The following XKR5 variants were observed in gnomAD, a reference collection of about 807,000 sequenced individuals.
XKR5 encodes the protein XK related 5.
XKR5 carries 46 observed loss-of-function variants against 40.8 expected under a neutral mutation model. The observed-to-expected ratio is 1.13, with a 90% confidence interval of 0.89 to 1.44. The LOEUF (loss-of-function observed/expected upper bound fraction) is 1.44. Ranked by LOEUF, XKR5 falls within the 40% of genes most tolerant of loss-of-function variation. XKR5 has a pLI of 0.00. For missense variants in XKR5, 1,169 were observed against 844.7 expected, an observed-to-expected ratio of 1.38 and a Z score of -4.76; for synonymous variants, 466 against 356.1, an observed-to-expected ratio of 1.31 and a Z score of -3.48.
Position 6,811,340 on chromosome 8 carries a change from G to C in XKR5, c.1919C>G (p.Ala640Gly), listed in dbSNP as rs903140063. 6 of 1,537,258 alleles carry C rather than the reference G, an allele frequency of 3.9e-6. No individual in the cohort carries two copies. The highest frequency in any genetic ancestry group is 2.4e-5 in the South Asian group (2 of 84,072). The change falls in exon 7 of 7, where the codon GCA becomes GGA. Residue 640 changes from alanine to glycine, a missense_variant. Ala to Gly is a moderately conservative substitution (Grantham distance 60). Coordinates refer to ENST00000618742, the MANE Select transcript of XKR5 (RefSeq NM_207411.5). ...CAATGACACCCACACACCAACAGCT[G>C]CATGGTGACTTAGCTCCCTTTTGGG... Reference protein sequence around the residue: ...LEPKRELSHHAAVGVWVSLPQ... With the variant: ...LEPKRELSHHGAVGVWVSLPQ...
At chr8:6,834,877 C>T (rs1470734149) in intron 1 of XKR5, among the ~76,000 whole-genome samples, 2 of 152,178 alleles carry the variant, frequency 1.3e-5, no homozygotes, top group African/African-American at 4.8e-5. Context: ...CGTCCCGCCC[C>T]GTCCTAAACC....
chr8:6,819,421 T>C (rs1458373988), intron 5 of XKR5, among the ~76,000 whole-genome samples: 1 of 152,222 alleles, frequency 6.6e-6, no homozygotes, highest in Non-Finnish European at 1.5e-5. Context: ...AAGATCACAG[T>C]CTGGGCATTT....
At chr8:6,833,503 G>T (rs1017917834) in intron 1 of XKR5, among the ~76,000 whole-genome samples, 1 of 152,182 alleles carries the variant, frequency 6.6e-6, no homozygotes, top group Non-Finnish European at 1.5e-5. Context: ...GGCCGAGGTG[G>T]GCAGATTGCT....
rs1473896170 is a variant in XKR5 at position 6,832,850 on chromosome 8, AC to A, written c.108del (p.Trp37GlyfsTer16). 2 of 1,610,180 alleles carry A rather than the reference AC, an allele frequency of 1.2e-6. No individual in the cohort carries two copies. The highest frequency in any genetic ancestry group is 1.7e-6 in the Non-Finnish European group (2 of 1,178,574). ...GGCAGGAGGACAGCAAGGGCCAGCCACCCCCACAGAAGCCGTCCTGTGGTGA... is the reference window on the plus strand; with the variant it reads ...GGCAGGAGGACAGCAAGGGCCAGCCACCCCACAGAAGCCGTCCTGTGGTGA... ...YYFTTGRLLW[G>X]WLALAVLLPG... On this transcript the variant is annotated frameshift_variant, in exon 2 of 7. Transcript: ENST00000618742. LOFTEE classifies it high-confidence loss of function.
At chr8:6,826,256 ATG>A (rs1438793367) in intron 2 of XKR5, among the ~76,000 whole-genome samples, 2 of 152,122 alleles carry the variant, frequency 1.3e-5, no homozygotes, top group Admixed American at 6.5e-5. Context: ...ATGTTTATAT[ATG>A]TGTGTGCATG....
chr8:6,826,698 T>C (rs930662783), intron 2 of XKR5, among the ~76,000 whole-genome samples: 2 of 152,068 alleles, frequency 1.3e-5, no homozygotes, highest in Non-Finnish European at 2.9e-5. Context: ...CAGTTGTGGT[T>C]GAGGGACTGG....
Position 6,823,709 on chromosome 8 carries a change from C to T in XKR5, c.449G>A (p.Trp150Ter), listed in dbSNP as rs760701667. Reference sequence around the variant, plus strand: ...CACCAGTGCCCAGGAGAGTGAGGACCAGGAAAACAGGGTGCTCACCCCTGA... The same window carrying T: ...CACCAGTGCCCAGGAGAGTGAGGACTAGGAAAACAGGGTGCTCACCCCTGA... The part of the protein sequence containing the change: ...IVPGVSTLFS[W>*]SSLSWALVSY... The change falls in exon 4 of 7, where the codon TGG (tryptophan) becomes TAG (stop). Residue 150 changes from tryptophan (W) to a stop codon, truncating the protein, a stop_gained. Transcript: ENST00000618742. LOFTEE classifies it high-confidence loss of function. 1.3e-5 allele frequency: 21 copies of T among 1,582,670 alleles called. 1 individual carries two copies. In the Admixed American group the frequency reaches 3.3e-4, roughly 25 times the overall value.
chr8:6,814,373 C>T (rs1457313289), intron 6 of XKR5, among the ~76,000 whole-genome samples: 2 of 152,148 alleles, frequency 1.3e-5, no homozygotes, highest in Non-Finnish European at 2.9e-5. Context: ...CAAGACCGAT[C>T]CCCAGGGTGC....
chr8:6,823,479 G>C lies in XKR5; in HGVS notation c.637+42C>G, dbSNP rs1425301446. 3 of 1,543,462 alleles carry C rather than the reference G, an allele frequency of 1.9e-6. No homozygotes were observed. The Admixed American group carries it at 5.8e-5, about 30-fold the overall frequency. Reference sequence around the variant, plus strand: ...TGAGACCTTCATTTCTGGGTTGATTGGTTATGCAGCAACAGATGACCAGAT... The same window carrying C: ...TGAGACCTTCATTTCTGGGTTGATTCGTTATGCAGCAACAGATGACCAGAT... On this transcript the variant is annotated intron_variant, in intron 4 of 6. Coordinates refer to ENST00000618742, the MANE Select transcript of XKR5 (RefSeq NM_207411.5).
At chr8:6,834,964 A>G (rs978094778) in intron 1 of XKR5, among the ~76,000 whole-genome samples, 5 of 152,086 alleles carry the variant, frequency 3.3e-5, no homozygotes, top group Non-Finnish European at 7.4e-5. Context: ...CCCTTCTGCG[A>G]GCGGCCTCCA....
At chr8:6,835,264 G>T (rs183902711) in intron 1 of XKR5, among the ~76,000 whole-genome samples, 172 bp downstream of exon 1, 1 of 152,198 alleles carries the variant, frequency 6.6e-6, no homozygotes, top group African/African-American at 2.4e-5. Flanking sequence ...TACTAAGGAC[G>T]GGAGGACGTG....
chr8:6,821,807 C>G, intron 5 of XKR5, 62 bp downstream of exon 5: 1 of 1,487,076 alleles, frequency 6.7e-7, no homozygotes. Flanking sequence ...CCACACACAC[C>G]CACACACACC....
At chr8:6,834,833 T>C (rs1014571233) in intron 1 of XKR5, among the ~76,000 whole-genome samples, 7 of 152,040 alleles carry the variant, frequency 4.6e-5, no homozygotes, top group Admixed American at 1.3e-4. Flanking sequence ...GGGCTCTGGG[T>C]TCCCCCTGCG....
intron 5 of XKR5, among the ~76,000 whole-genome samples, chr8:6,818,787 G>A (rs1176197161): frequency 6.6e-6 from 1 of 152,204 alleles, no homozygotes; most frequent in Non-Finnish European, 1.5e-5. Context: ...CAGCTGCACT[G>A]GAGGCCCCCA....
intron 5 of XKR5, among the ~76,000 whole-genome samples, chr8:6,816,475 A>T (rs1803962281): frequency 6.6e-6 from 1 of 152,048 alleles, no homozygotes; most frequent in South Asian, 2.1e-4. Context: ...GCAGCTGGTC[A>T]AAATGGCAGA....
chr8:6,828,657 G>A (rs921519256), intron 2 of XKR5, among the ~76,000 whole-genome samples: 3 of 152,162 alleles, frequency 2.0e-5, no homozygotes, highest in Non-Finnish European at 2.9e-5. Flanking sequence ...CATCATTCCA[G>A]GTCCTTATCA....
intron 3 of XKR5, among the ~76,000 whole-genome samples, chr8:6,824,865 G>T (rs1804389036): frequency 6.6e-6 from 1 of 152,200 alleles, no homozygotes; most frequent in South Asian, 2.1e-4. Context: ...AACATGTGCA[G>T]TGAGTTTATG....
intron 2 of XKR5, among the ~76,000 whole-genome samples, chr8:6,828,679 G>A (rs971115783): frequency 6.6e-6 from 1 of 152,134 alleles, no homozygotes; most frequent in African/African-American, 2.4e-5. Context: ...CACTTGCCTG[G>A]ATTTCTGGCT....
At chr8:6,818,237 G>A (rs1259783513) in intron 5 of XKR5, among the ~76,000 whole-genome samples, 1 of 152,190 alleles carries the variant, frequency 6.6e-6, no homozygotes. Context: ...AGCTTTGCCT[G>A]AAACGTTCTA....
Sources: allele counts gnomAD v4.1 joint callset (sites outside exome capture counted in the v4.1 genomes callset), GRCh38; gene constraint gnomAD v4.1.1; transcripts MANE v1.5; gene names NCBI Gene and HGNC (gene_info 2026-07-23, HGNC 2026-07-21).